EBF1: variants seen among roughly 807,000 people sequenced by gnomAD.
EBF1 encodes EBF transcription factor 1, also known as transcription factor COE1.
In EBF1, 10 loss-of-function variants were observed where a neutral mutation model predicts 68.4. The ratio of observed to expected loss-of-function variants is 0.15; its 90% CI spans 0.09 to 0.25. The LOEUF (loss-of-function observed/expected upper bound fraction) is 0.25. Among genes scored for constraint, EBF1 ranks in the 10% least tolerant of loss-of-function variants. EBF1 has a pLI of 1.00. For synonymous variants in EBF1, 298 were observed against 299.8 expected, an observed-to-expected ratio of 0.99 and a Z score of 0.06; for missense variants, 509 against 794.4, an observed-to-expected ratio of 0.64 and a Z score of 4.32.
At chr5:158,862,185 T>C (rs1270225251) in intron 6 of EBF1, among the ~76,000 whole-genome samples, 1 of 152,030 alleles carries the variant, frequency 6.6e-6, no homozygotes, top group South Asian at 2.1e-4. Context: ...AGGTGGCAGA[T>C]TGCTGGAGAT....
intron 9 of EBF1, among the ~76,000 whole-genome samples, chr5:158,786,379 T>C (rs1231750422): frequency 6.6e-6 from 1 of 152,072 alleles, no homozygotes; most frequent in African/African-American, 2.4e-5. Context: ...TTCCACTACC[T>C]CTGGTTTTGT....
intron 10 of EBF1, among the ~76,000 whole-genome samples, chr5:158,751,335 G>A (rs574049171): frequency 6.6e-6 from 1 of 151,700 alleles, no homozygotes; most frequent in Non-Finnish European, 1.5e-5. Flanking sequence ...CACATGTTGC[G>A]TTTGCCCCTG....
intron 9 of EBF1, among the ~76,000 whole-genome samples, chr5:158,794,448 G>A (rs1026839337): frequency 6.6e-6 from 1 of 152,060 alleles, no homozygotes; most frequent in African/African-American, 2.4e-5. Context: ...AAAAATGGAG[G>A]GACCTTGATT....
chr5:158,713,191 A>G, intron 12 of EBF1, 44 bp from the exon 13 acceptor site: 3 of 1,343,374 alleles, frequency 2.2e-6, no homozygotes, highest in Non-Finnish European at 2.9e-6. Flanking sequence ...CCCCAGTCAT[A>G]TTCCCAATAA....
At chr5:158,783,323 G>A (rs1776777055) in intron 9 of EBF1, among the ~76,000 whole-genome samples, 1 of 152,114 alleles carries the variant, frequency 6.6e-6, no homozygotes, top group African/African-American at 2.4e-5. Flanking sequence ...TATTACATGT[G>A]ATTATATAAG....
chr5:159,074,424 G>A (rs1778369447), intron 5 of EBF1, among the ~76,000 whole-genome samples: 1 of 152,150 alleles, frequency 6.6e-6, no homozygotes, highest in African/African-American at 2.4e-5. Flanking sequence ...AGATGGGGAG[G>A]GAGGTCCTCC....
intron 6 of EBF1, among the ~76,000 whole-genome samples, chr5:158,996,310 T>C (rs1324970434): frequency 6.6e-6 from 1 of 152,258 alleles, no homozygotes; most frequent in Non-Finnish European, 1.5e-5. Context: ...AATGTCTTAA[T>C]ATACTTCCTG....
intron 6 of EBF1, among the ~76,000 whole-genome samples, chr5:158,976,766 T>C (rs561397074): frequency 3.9e-5 from 6 of 152,354 alleles, no homozygotes; most frequent in African/African-American, 1.4e-4. Context: ...CAAGCACTAT[T>C]ACCTTAACGG....
intron 6 of EBF1, among the ~76,000 whole-genome samples, chr5:158,900,615 G>A (rs1431119915): frequency 1.3e-5 from 2 of 152,204 alleles, no homozygotes; most frequent in African/African-American, 2.4e-5. Context: ...CACTGCCTCA[G>A]CAGGGAGGAT....
chr5:158,829,964 T>C (rs1004254970), intron 7 of EBF1, among the ~76,000 whole-genome samples: 1 of 152,230 alleles, frequency 6.6e-6, no homozygotes, highest in Non-Finnish European at 1.5e-5. Flanking sequence ...CTCATCTACA[T>C]GAGAAGCTCT....
intron 6 of EBF1, among the ~76,000 whole-genome samples, chr5:158,931,135 T>C (rs542688853): frequency 6.6e-6 from 1 of 152,330 alleles, no homozygotes; most frequent in Admixed American, 6.5e-5. Context: ...TAGCCAACAG[T>C]AATTATTTCC....
intron 10 of EBF1, among the ~76,000 whole-genome samples, chr5:158,749,491 G>A (rs1334434744): frequency 6.6e-6 from 1 of 152,080 alleles, no homozygotes; most frequent in Non-Finnish European, 1.5e-5. Context: ...TCCTGGCCTT[G>A]AAACTTTGGT....
chr5:159,019,152 TGTTTATTAAA>T (rs1235963129), intron 6 of EBF1: 3 of 152,188 alleles, frequency 2.0e-5, no homozygotes, highest in Non-Finnish European at 4.4e-5. Context: ...AGTTTTTAAA[TGTTTATTAAA>T]GTCTACTGGG....
intron 6 of EBF1, among the ~76,000 whole-genome samples, chr5:158,849,348 C>A (rs1792163087): frequency 1.3e-5 from 2 of 152,168 alleles, no homozygotes; most frequent in African/African-American, 4.8e-5. Flanking sequence ...ATGAAATCTC[C>A]TTCCTGCCTT....
intron 10 of EBF1, among the ~76,000 whole-genome samples, chr5:158,741,831 T>C (rs1214056106): frequency 1.3e-5 from 2 of 152,220 alleles, no homozygotes; most frequent in Admixed American, 1.3e-4. Context: ...TCTTGTCTTC[T>C]TTTAATAATT....
intron 6 of EBF1, among the ~76,000 whole-genome samples, chr5:158,959,797 C>T (rs1261766374): frequency 5.9e-5 from 9 of 151,818 alleles, no homozygotes; most frequent in Admixed American, 5.9e-4. Flanking sequence ...CATTCATATA[C>T]AAGAATAAAT....
At chr5:159,037,337 C>T (rs1447555871) in intron 6 of EBF1, among the ~76,000 whole-genome samples, 13 of 62,522 alleles carry the variant, frequency 2.1e-4, no homozygotes, top group African/African-American at 6.8e-4. Context: ...AATCATGCTG[C>T]TATAAAGACA....
At chr5:158,994,589 C>T (rs149202651) in intron 6 of EBF1, among the ~76,000 whole-genome samples, 35 of 152,314 alleles carry the variant, frequency 2.3e-4, no homozygotes, top group African/African-American at 7.9e-4. Context: ...GAACTCTACG[C>T]CTAAGATTTT....
At chr5:158,776,795 C>T (rs767024357) in intron 10 of EBF1, among the ~76,000 whole-genome samples, 5 of 152,162 alleles carry the variant, frequency 3.3e-5, no homozygotes, top group African/African-American at 7.2e-5. Flanking sequence ...GATCTCTTAG[C>T]GTACACATTG....
Sources: allele counts gnomAD v4.1 joint callset (sites outside exome capture counted in the v4.1 genomes callset), GRCh38; gene constraint gnomAD v4.1.1; transcripts MANE v1.5; gene names NCBI Gene and HGNC (gene_info 2026-07-23, HGNC 2026-07-21).